Variants in ROBO1 observed in about 807,000 individuals in gnomAD.
ROBO1 encodes roundabout homolog 1.
Under a neutral mutation model 195.9 loss-of-function variants are expected in ROBO1, and 149 were observed. That is an observed-to-expected ratio of 0.76 (90% confidence interval 0.67 to 0.87). The LOEUF is 0.87. ROBO1 is among the 40% of genes least tolerant of loss of function. The pLI, the probability that ROBO1 is intolerant of heterozygous loss-of-function variation, is 0.00. For synonymous variants in ROBO1, 816 were observed against 733.2 expected (o/e 1.11, Z -1.82); for missense variants, 1,933 against 2,068.3 (o/e 0.93, Z 1.27).
Position 79,039,581 on chromosome 3 carries a change from A to C in ROBO1, c.172+85875T>G, listed in dbSNP as rs74964402. 3.9e-5 allele frequency among the ~76,000 whole-genome samples: 6 copies of C among 152,082 alleles called. No individual in the cohort carries two copies. The East Asian group carries it at 1.2e-3, about 29-fold the overall frequency. On this transcript the variant is annotated intron_variant, in intron 3 of 30. Coordinates refer to ENST00000464233, the MANE Select transcript of ROBO1 (RefSeq NM_002941.4). ...GGGAGGCCGAGGTGGGCAGATCACG[A>C]GGTCAGGAGTTCAAGACCATCCTGG...
intron 4 of ROBO1, among the ~76,000 whole-genome samples, chr3:78,919,549 T>C (rs570614735): frequency 6.6e-6 from 1 of 152,214 alleles, no homozygotes; most frequent in Non-Finnish European, 1.5e-5. Flanking sequence ...CTTAGTGGAT[T>C]GTCCTGTCAA....
intron 3 of ROBO1, among the ~76,000 whole-genome samples, chr3:79,086,145 A>T (rs1056771348): frequency 1.3e-5 from 2 of 151,318 alleles, no homozygotes; most frequent in Non-Finnish European, 1.5e-5. Flanking sequence ...GTGGAATTTT[A>T]TCTAGGTACA....
intron 2 of ROBO1, among the ~76,000 whole-genome samples, chr3:79,231,371 A>G (rs2082318659): frequency 6.6e-6 from 1 of 152,140 alleles, no homozygotes; most frequent in Non-Finnish European, 1.5e-5. Context: ...AATTTATAAG[A>G]AAAAACCAAC....
chr3:79,761,053 TAATA>T (rs1402828734), intron 1 of ROBO1, among the ~76,000 whole-genome samples: 1 of 148,460 alleles, frequency 6.7e-6, no homozygotes, highest in Non-Finnish European at 1.5e-5. Context: ...ATATATACTA[TAATA>T]TATATGCACT....
intron 1 of ROBO1, among the ~76,000 whole-genome samples, chr3:79,631,864 C>T (rs888780976): frequency 4.6e-5 from 7 of 151,934 alleles, no homozygotes; most frequent in Non-Finnish European, 8.8e-5. Flanking sequence ...GGCCAAAATA[C>T]ATATGAAAAA....
At chr3:79,410,231 C>T (rs974502379) in intron 2 of ROBO1, among the ~76,000 whole-genome samples, 4 of 152,040 alleles carry the variant, frequency 2.6e-5, no homozygotes, top group South Asian at 2.1e-4. Context: ...TGTATTTTCA[C>T]GTAATGGACA....
chr3:79,729,371 A>T (rs2107343828), intron 1 of ROBO1, among the ~76,000 whole-genome samples: 1 of 152,346 alleles, frequency 6.6e-6, no homozygotes, highest in South Asian at 2.1e-4. Context: ...CCACACTCTG[A>T]CATGCACAGA....
At chr3:79,244,174 C>T (rs2082576774) in intron 2 of ROBO1, among the ~76,000 whole-genome samples, 1 of 152,082 alleles carries the variant, frequency 6.6e-6, no homozygotes, top group Non-Finnish European at 1.5e-5. Flanking sequence ...TATATTCTTC[C>T]TCCTTGGTTC....
At chr3:79,184,363 C>CAAAT (rs371133819) in intron 2 of ROBO1, among the ~76,000 whole-genome samples, 1 of 152,254 alleles carries the variant, frequency 6.6e-6, no homozygotes, top group East Asian at 1.9e-4. Context: ...GCTCTGCTCT[C>CAAAT]ATTTAAGACT....
intron 3 of ROBO1, among the ~76,000 whole-genome samples, chr3:79,094,481 T>C (rs1312327809): frequency 6.6e-6 from 1 of 152,128 alleles, no homozygotes; most frequent in Non-Finnish European, 1.5e-5. Flanking sequence ...CTCATCTTTT[T>C]CACTGCACAT....
intron 3 of ROBO1, among the ~76,000 whole-genome samples, chr3:79,103,749 T>C (rs144306582): frequency 9.9e-5 from 15 of 151,828 alleles, no homozygotes; most frequent in Admixed American, 8.6e-4. Flanking sequence ...CAAACATATA[T>C]ACATATATAT....
At chr3:79,695,815 TA>T (rs574763757) in intron 1 of ROBO1, among the ~76,000 whole-genome samples, 11 of 150,494 alleles carry the variant, frequency 7.3e-5, no homozygotes, top group East Asian at 5.9e-4. Context: ...ACTGGGAATA[TA>T]AAAAAAAAGT....
intron 1 of ROBO1, among the ~76,000 whole-genome samples, chr3:79,602,958 C>T (rs1944381126): frequency 1.3e-5 from 2 of 151,960 alleles, no homozygotes; most frequent in Non-Finnish European, 2.9e-5. Context: ...CGATATTAGC[C>T]ATAAATACAT....
chr3:79,150,055 A>G (rs2108635618), intron 2 of ROBO1, among the ~76,000 whole-genome samples: 1 of 151,840 alleles, frequency 6.6e-6, no homozygotes, highest in African/African-American at 2.4e-5. Flanking sequence ...ACTCTCAGAC[A>G]TGCACACTGA....
At chr3:78,680,457 A>G (rs1264194477) in intron 10 of ROBO1, among the ~76,000 whole-genome samples, 2 of 152,164 alleles carry the variant, frequency 1.3e-5, no homozygotes, top group African/African-American at 4.8e-5. Flanking sequence ...AATATCCGGA[A>G]TCTACAATGA....
At chr3:79,347,606 T>G (rs1486272910) in intron 2 of ROBO1, among the ~76,000 whole-genome samples, 1 of 152,192 alleles carries the variant, frequency 6.6e-6, no homozygotes, top group Non-Finnish European at 1.5e-5. Flanking sequence ...ATTTCAATAT[T>G]TTCAACTACA....
At chr3:79,415,122 G>T (rs572591578) in intron 2 of ROBO1, among the ~76,000 whole-genome samples, 3 of 152,260 alleles carry the variant, frequency 2.0e-5, no homozygotes, top group Admixed American at 2.0e-4. Flanking sequence ...GGAAGTTAAT[G>T]TGAGTAGTCG....
In ROBO1 at chr3:78,687,933, G is replaced by A. The variant is rs370565893; in HGVS notation, c.1170+715C>T. Among the ~76,000 whole-genome samples the A allele has an allele frequency of 1.1e-3, 161 of 152,196 alleles. 1 individual carries two copies. The highest frequency in any genetic ancestry group is 2.4e-3 in the Admixed American group (37 of 15,288). ...AGCATGAGTCACTGTGCCCAGCCGCGTTTTTGTTTTATTGAAGAAGGCAAA... is the reference window on the plus strand; with the variant it reads ...AGCATGAGTCACTGTGCCCAGCCGCATTTTTGTTTTATTGAAGAAGGCAAA... On this transcript the variant is annotated intron_variant, in intron 9 of 30. Transcript: ENST00000464233.
chr3:78,802,322 G>C (rs766311540), intron 4 of ROBO1, among the ~76,000 whole-genome samples: 1 of 152,098 alleles, frequency 6.6e-6, no homozygotes, highest in African/African-American at 2.4e-5. Flanking sequence ...TGGGAAACTA[G>C]TTGCAAGAAC....
Sources: gnomAD v4.1 joint callset for allele counts (sites outside exome capture counted in the v4.1 genomes callset) on GRCh38, gnomAD v4.1.1 for gene constraint, MANE v1.5 for transcripts, NCBI Gene and HGNC (gene_info 2026-07-23, HGNC 2026-07-21) for gene names.